The following UQCRFS1 variants were observed in gnomAD, a reference collection of about 807,000 sequenced individuals.
The protein encoded by UQCRFS1 is ubiquinol-cytochrome c reductase, Rieske iron-sulfur polypeptide 1.
UQCRFS1 carries 6 observed loss-of-function variants against 15.6 expected under a neutral mutation model. The ratio of observed to expected loss-of-function variants is 0.38; its 90% CI spans 0.21 to 0.76. The LOEUF is 0.76. UQCRFS1 is among the 30% of genes least tolerant of loss of function. UQCRFS1 has a pLI of 0.44. For missense variants in UQCRFS1, 203 were observed against 366.7 expected, an observed-to-expected ratio of 0.55 and a Z score of 3.65; for synonymous variants, 105 against 154.3, an observed-to-expected ratio of 0.68 and a Z score of 2.37.
chr19:29,207,089 A>G lies in UQCRFS1; in HGVS notation c.*459T>C, dbSNP rs1006459998. The G allele has an allele frequency of 5.6e-5, 9 of 159,654 alleles. No homozygotes were observed. Among genetic ancestry groups the G allele is most frequent in the African/African-American group, 1.7e-4 (7 of 41,488 alleles). The allele number at this position is 159,654 out of a possible 1,614,324, so 9.9% of individuals were successfully genotyped here. ...GAAATGCATAGCCAGGACTCTTACC[A>G]AGTCCGGTAAATAAGGAATACCTAG... On this transcript the variant is annotated 3_prime_UTR_variant, in exon 2 of 2. Transcript: ENST00000304863.
chr19:29,212,357 G>A (rs1345376703), intron 1 of UQCRFS1, among the ~76,000 whole-genome samples: 1 of 150,636 alleles, frequency 6.6e-6, no homozygotes, highest in African/African-American at 2.4e-5. Context: ...ACACTACACT[G>A]TAACTGACCT....
Position 29,207,971 on chromosome 19 carries a change from G to A in UQCRFS1, c.402C>T (p.Thr134=), listed in dbSNP as rs751130399. ...AAGCACTCATGCTGGAAACGAACTG[G>A]GTGACGGCATTCTTGGCAGCATATG... ...GVAYAAKNAV[T]QFVSSMSASA... Residue 134 remains threonine, a synonymous_variant, in exon 2 of 2, where the codon ACC becomes ACT. Transcript: ENST00000304863. 1.2e-5 allele frequency: 19 copies of A among 1,613,986 alleles called. No homozygotes were observed. The highest frequency in any genetic ancestry group is 1.5e-5 in the Non-Finnish European group (18 of 1,179,870).
chr19:29,210,215 T>C (rs1976630536), intron 1 of UQCRFS1, among the ~76,000 whole-genome samples: 1 of 152,168 alleles, frequency 6.6e-6, no homozygotes, highest in African/African-American at 2.4e-5. Flanking sequence ...TCCACTCCCA[T>C]AAGCCATCCT....
chr19:29,206,012 G>A lies in UQCRFS1; in HGVS notation c.*1536C>T, dbSNP rs1461261029. 1 of 152,150 alleles carries A rather than the reference G, an allele frequency of 6.6e-6. No individual in the cohort carries two copies. The highest frequency in any genetic ancestry group is 1.5e-5 in the Non-Finnish European group (1 of 68,046). The allele number at this position is 152,150 out of a possible 1,614,324, so 9.4% of individuals were successfully genotyped here. On this transcript the variant is annotated 3_prime_UTR_variant, in exon 2 of 2. Coordinates refer to ENST00000304863, the MANE Select transcript of UQCRFS1 (RefSeq NM_006003.3). ...TCACTTCAGGGTGGGAGGTGATATA[G>A]GTTATCAGTATTTCTCTATAGGGAG... is the stretch of plus-strand genomic sequence containing the variant.
Position 29,213,126 on chromosome 19 carries a change from G to GCCGCTCCAA in UQCRFS1, c.-17_-9dup. The GCCGCTCCAA allele has an allele frequency of 6.6e-7, 1 of 1,521,740 alleles. No individual in the cohort carries two copies. The highest frequency in any genetic ancestry group is 1.4e-5 in the African/African-American group (1 of 70,786). The allele number at this position is 1,521,740 out of a possible 1,614,324, so 94.3% of individuals were successfully genotyped here. ...GGATGCTACCGACAACATGGCGACA[G>GCCGCTCCAA]CCGCTCCAACCGCCAAGCCGGTCAC... On this transcript the variant is annotated 5_prime_UTR_variant, in exon 1 of 2. Coordinates refer to ENST00000304863, the MANE Select transcript of UQCRFS1 (RefSeq NM_006003.3).
At chr19:29,209,031 A>G (rs1352796200) in intron 1 of UQCRFS1, among the ~76,000 whole-genome samples, 3 of 152,174 alleles carry the variant, frequency 2.0e-5, no homozygotes, top group Admixed American at 1.3e-4. Flanking sequence ...CTAGGCCATA[A>G]AAGAGCTCAA....
chr19:29,207,339 A>C lies in UQCRFS1; in HGVS notation c.*209T>G. The stretch of plus-strand genomic sequence containing the variant: ...ATTGTACCTTTCGCGTGTATGACTG[A>C]GCATAACAGTGCTTAACAGTGTCTT... On this transcript the variant is annotated 3_prime_UTR_variant, in exon 2 of 2. Coordinates refer to ENST00000304863, the MANE Select transcript of UQCRFS1 (RefSeq NM_006003.3). 1.6e-6 allele frequency: 1 copy of C among 624,524 alleles called. No individual in the cohort carries two copies. Among genetic ancestry groups the C allele is most frequent in the Non-Finnish European group, 2.6e-6 (1 of 379,432 alleles). 38.7% of individuals were successfully genotyped at this position (624,524 alleles called of 1,614,324 possible). A position where few individuals can be genotyped will look rare whatever the true frequency, so the allele number is the denominator to read the frequency against.
chr19:29,212,821 G>A (rs1351715415), intron 1 of UQCRFS1, 84 bp downstream of exon 1: 1 of 1,299,618 alleles, frequency 7.7e-7, no homozygotes, highest in Non-Finnish European at 9.8e-7. Flanking sequence ...CCGCTCGCGC[G>A]CCCGCGGCCG....
In UQCRFS1 at chr19:29,205,698, T is replaced by C. The variant is rs1283840706; in HGVS notation, c.*1850A>G. The C allele has an allele frequency of 6.6e-6, 1 of 152,220 alleles. No individual in the cohort carries two copies. The highest frequency in any genetic ancestry group is 1.9e-4 in the East Asian group (1 of 5,204). The allele number at this position is 152,220 out of a possible 1,614,324, so 9.4% of individuals were successfully genotyped here. A position where few individuals can be genotyped will look rare whatever the true frequency, so the allele number is the denominator to read the frequency against. The stretch of plus-strand genomic sequence containing the variant: ...TATTCTGTAAGTAATTTTCTCCTAC[T>C]ATCTAGGATTTTGTTTTCACAGAAT... On this transcript the variant is annotated 3_prime_UTR_variant, in exon 2 of 2. Transcript: ENST00000304863.
chr19:29,206,562 G>GT lies in UQCRFS1; in HGVS notation c.*985dup, dbSNP rs1187436630. On this transcript the variant is annotated 3_prime_UTR_variant, in exon 2 of 2. Transcript: ENST00000304863. ...TGGACCTTAGTCTTGTTTCACCTGT[G>GT]TAATTGGAGGCAGAATAGGATGTGA... 1 of 152,218 alleles carries GT rather than the reference G, an allele frequency of 6.6e-6. No individual in the cohort carries two copies. The highest frequency in any genetic ancestry group is 1.5e-5 in the Non-Finnish European group (1 of 68,046). 9.4% of individuals were successfully genotyped at this position (152,218 alleles called of 1,614,324 possible).
intron 1 of UQCRFS1, among the ~76,000 whole-genome samples, chr19:29,212,024 G>A (rs1027898992): frequency 2.0e-5 from 3 of 152,176 alleles, no homozygotes; most frequent in Non-Finnish European, 4.4e-5. Context: ...TTTAAGAGAT[G>A]CCATTAGTCT....
At position 29,212,922 on chromosome 19, in the gene UQCRFS1, G is replaced by A. The variant is rs1976675339; in HGVS notation, c.197C>T (p.Ala66Val). ...CGGCTCACCATTGAGGCCCACGGAG[G>A]CGACCAAAGGCCGGCGCACGGCCTG... ...SGQAVRRPLVASVGLNVPASV... is the reference protein window; with the variant it reads ...SGQAVRRPLVVSVGLNVPASV... Residue 66 changes from alanine (A) to valine (V), a missense_variant, in exon 1 of 2, where the codon GCC becomes GTC. By Grantham distance (64) the Ala-to-Val change is moderately conservative. Transcript: ENST00000304863. The A allele has an allele frequency of 7.1e-7, 1 of 1,417,770 alleles. No individual in the cohort carries two copies. The highest frequency in any genetic ancestry group is 1.5e-5 in the African/African-American group (1 of 66,014). The allele number at this position is 1,417,770 out of a possible 1,614,324, so 87.8% of individuals were successfully genotyped here.
chr19:29,212,456 C>G (rs1976665865), intron 1 of UQCRFS1, among the ~76,000 whole-genome samples: 1 of 151,610 alleles, frequency 6.6e-6, no homozygotes, highest in South Asian at 2.1e-4. Flanking sequence ...AGACCAACTT[C>G]CCAAATATTA....
At chr19:29,208,616 G>GT (rs1438120497) in intron 1 of UQCRFS1, among the ~76,000 whole-genome samples, 1 of 152,180 alleles carries the variant, frequency 6.6e-6, no homozygotes, top group African/African-American at 2.4e-5. Flanking sequence ...CACACAGTAA[G>GT]TTGACGTGTG....
In UQCRFS1 at chr19:29,207,539, C is replaced by A. The variant is rs7852; in HGVS notation, c.*9G>T. The A allele has an allele frequency of 1.3e-6, 2 of 1,590,816 alleles. No homozygotes were observed. The highest frequency in any genetic ancestry group is 2.3e-5 in the South Asian group (2 of 87,652). ...ACTGAAAGAAGCCTATGACTTGAGT[C>A]CAAGTCTCTTAACCAACAATCACCA... On this transcript the variant is annotated 3_prime_UTR_variant, in exon 2 of 2. Transcript: ENST00000304863.
chr19:29,210,026 G>A (rs1976628284), intron 1 of UQCRFS1, among the ~76,000 whole-genome samples: 4 of 152,126 alleles, frequency 2.6e-5, no homozygotes, highest in Admixed American at 2.6e-4. Context: ...CTGACTTTCA[G>A]TAAGATGCTA....
chr19:29,212,870 C>G, intron 1 of UQCRFS1, 35 bp downstream of exon 1: 1 of 1,418,268 alleles, frequency 7.1e-7, no homozygotes, highest in Non-Finnish European at 9.1e-7. Context: ...ACCGAGAGAC[C>G]CCCAGCCCTG....
rs1976595003 is a variant in UQCRFS1 at position 29,206,412 on chromosome 19, CAT to C, written c.*1134_*1135del. ...ATTTTTGCCATTTTAAAAAAGTGTA[CAT>C]GAGATTATCAGGTAGACTCAGTAAA... is the stretch of plus-strand genomic sequence containing the variant. On this transcript the variant is annotated 3_prime_UTR_variant, in exon 2 of 2. Transcript: ENST00000304863. 6.6e-6 allele frequency: 1 copy of C among 152,178 alleles called. No homozygotes were observed. Among genetic ancestry groups the C allele is most frequent in the African/African-American group, 2.4e-5 (1 of 41,434 alleles). 9.4% of individuals were successfully genotyped at this position (152,178 alleles called of 1,614,324 possible).
At chr19:29,209,730 T>C (rs1479147547) in intron 1 of UQCRFS1, among the ~76,000 whole-genome samples, 1 of 152,066 alleles carries the variant, frequency 6.6e-6, no homozygotes, top group Admixed American at 6.5e-5. Flanking sequence ...CTACCTGGGA[T>C]TACAGAAAAG....
Sources: allele counts gnomAD v4.1 joint callset (sites outside exome capture counted in the v4.1 genomes callset), GRCh38; gene constraint gnomAD v4.1.1; transcripts MANE v1.5; gene names NCBI Gene and HGNC (gene_info 2026-07-23, HGNC 2026-07-21).